TTC28: variants seen among roughly 807,000 people sequenced by gnomAD.
The protein encoded by TTC28 is tetratricopeptide repeat protein 28.
A neutral mutation model predicts 198.0 loss-of-function variants in TTC28; 61 were observed. That is an observed-to-expected ratio of 0.31 (90% CI 0.25 to 0.38). TTC28 has a LOEUF of 0.38. Ranked by LOEUF, TTC28 falls within the 10% of genes least tolerant of loss-of-function variation. The probability of loss-of-function intolerance (pLI) is 1.00; values close to 1 mark genes in which losing one functional copy is unlikely to be tolerated. For synonymous variants in TTC28, 1,171 were observed against 1,297.8 expected (o/e 0.90, Z 2.10); for missense variants, 2,678 against 3,164.0 (o/e 0.85, Z 3.69).
At chr22:28,377,916 C>T (rs1222716042) in intron 2 of TTC28, among the ~76,000 whole-genome samples, 1 of 151,858 alleles carries the variant, frequency 6.6e-6, no homozygotes, top group African/African-American at 2.4e-5. Flanking sequence ...GATATTGTCT[C>T]CTAAAACAGT....
At chr22:28,437,142 G>A (rs559152143) in intron 2 of TTC28, among the ~76,000 whole-genome samples, 1 of 152,162 alleles carries the variant, frequency 6.6e-6, no homozygotes, top group South Asian at 2.1e-4. Context: ...GAGTGCAGTG[G>A]CATGACCTCA....
At chr22:28,139,894 T>C (rs961342630) in intron 6 of TTC28, among the ~76,000 whole-genome samples, 6 of 152,174 alleles carry the variant, frequency 3.9e-5, no homozygotes, top group Non-Finnish European at 1.5e-5. Context: ...ATAGGCTAAA[T>C]TCATACACAT....
intron 11 of TTC28, among the ~76,000 whole-genome samples, chr22:28,094,557 A>T (rs1223802021): frequency 6.6e-6 from 1 of 152,218 alleles, no homozygotes; most frequent in Non-Finnish European, 1.5e-5. Flanking sequence ...AGAAGCACCA[A>T]CTAGGGAAAG....
intron 6 of TTC28, among the ~76,000 whole-genome samples, chr22:28,131,000 A>C (rs1194228843): frequency 6.6e-6 from 1 of 152,196 alleles, no homozygotes; most frequent in Non-Finnish European, 1.5e-5. Flanking sequence ...CCCTTTTATC[A>C]AGCCCTTCTG....
chr22:28,051,454 G>A (rs56695231), intron 12 of TTC28, among the ~76,000 whole-genome samples: 6,281 of 152,216 alleles, frequency 0.041, 220 homozygotes, highest in East Asian at 0.14. Context: ...TTTTACCTCT[G>A]GGATAGAGCC....
At chr22:28,165,145 A>G (rs1921770032) in intron 5 of TTC28, among the ~76,000 whole-genome samples, 2 of 152,240 alleles carry the variant, frequency 1.3e-5, no homozygotes, top group South Asian at 4.1e-4. Context: ...ATAAAAAGAA[A>G]TGAACAAAGC....
At chr22:28,224,779 C>T (rs1488212887) in intron 5 of TTC28, among the ~76,000 whole-genome samples, 3 of 152,060 alleles carry the variant, frequency 2.0e-5, no homozygotes, top group African/African-American at 4.8e-5. Flanking sequence ...ACTTCTTGCC[C>T]CAGCATTCAT....
At chr22:28,609,174 C>T (rs534828780) in intron 2 of TTC28, among the ~76,000 whole-genome samples, 1 of 152,040 alleles carries the variant, frequency 6.6e-6, no homozygotes, top group South Asian at 2.1e-4. Context: ...TAAGGGAAAA[C>T]GTGAGCAATA....
At chr22:28,259,188 C>T (rs1321649407) in intron 5 of TTC28, among the ~76,000 whole-genome samples, 2 of 152,022 alleles carry the variant, frequency 1.3e-5, no homozygotes, top group Admixed American at 6.6e-5. Context: ...CGCTCATCCA[C>T]CTTTTTCTCT....
intron 5 of TTC28, among the ~76,000 whole-genome samples, chr22:28,233,446 T>C (rs1203831915): frequency 6.6e-6 from 1 of 152,188 alleles, no homozygotes; most frequent in Non-Finnish European, 1.5e-5. Context: ...TACACTCTTC[T>C]AGAATGTTGC....
chr22:28,388,520 T>C (rs1298196976), intron 2 of TTC28, among the ~76,000 whole-genome samples: 1 of 152,194 alleles, frequency 6.6e-6, no homozygotes, highest in Non-Finnish European at 1.5e-5. Context: ...TTTTATTTCC[T>C]TGAGCAGTGG....
At chr22:28,672,768 A>G (rs572038973) in intron 1 of TTC28, among the ~76,000 whole-genome samples, 1 of 152,362 alleles carries the variant, frequency 6.6e-6, no homozygotes, top group East Asian at 1.9e-4. Context: ...AGAGTAGAAC[A>G]GAAAAAGAGG....
Position 27,990,648 on chromosome 22 carries a change from G to A in TTC28, c.5577+141C>T, listed in dbSNP as rs913804089. ...CGGGCCGCCAGTCCAGCAGCAGTGC[G>A]CACCCGCGGGGGCGCCGCAGCCCGT... On this transcript the variant is annotated intron_variant, in intron 20 of 22. Coordinates refer to ENST00000397906, the MANE Select transcript of TTC28 (RefSeq NM_001145418.2). 1.5e-5 allele frequency: 11 copies of A among 713,160 alleles called. 1 individual carries two copies. Among genetic ancestry groups the A allele is most frequent in the Admixed American group, 1.2e-4 (4 of 34,540 alleles). The allele number at this position is 713,160 out of a possible 1,614,324, so 44.2% of individuals were successfully genotyped here.
intron 2 of TTC28, among the ~76,000 whole-genome samples, chr22:28,324,282 T>C (rs1311924888): frequency 1.3e-5 from 2 of 152,012 alleles, no homozygotes; most frequent in Non-Finnish European, 2.9e-5. Context: ...CAAAACCCTG[T>C]CTCTGCAAAA....
chr22:28,493,795 G>A (rs896331394), intron 2 of TTC28, among the ~76,000 whole-genome samples: 2 of 152,068 alleles, frequency 1.3e-5, no homozygotes, highest in African/African-American at 4.8e-5. Context: ...GAAATAGAAA[G>A]GACACCACAA....
chr22:28,629,923 A>G lies in TTC28; in HGVS notation c.103-93T>C, dbSNP rs960958027. Reference sequence around the variant, plus strand: ...TTGGATGTCTGTCCCCTCCAGTTGCACATTAAAATGTGATCCCCAGTATTG... The same window carrying G: ...TTGGATGTCTGTCCCCTCCAGTTGCGCATTAAAATGTGATCCCCAGTATTG... On this transcript the variant is annotated intron_variant, in intron 1 of 22. Transcript: ENST00000397906. 2.6e-6 allele frequency: 3 copies of G among 1,162,080 alleles called. No homozygotes were observed. In the African/African-American group the frequency reaches 4.7e-5, roughly 18 times the overall value. The allele number at this position is 1,162,080 out of a possible 1,614,324, so 72.0% of individuals were successfully genotyped here.
chr22:27,992,560 T>C (rs1020158871), intron 19 of TTC28, 27 bp downstream of exon 19: 4 of 1,549,810 alleles, frequency 2.6e-6, no homozygotes, highest in Non-Finnish European at 2.6e-6. Flanking sequence ...CCTCAGGCCC[T>C]GGCTCAGCCC....
intron 6 of TTC28, among the ~76,000 whole-genome samples, chr22:28,138,808 A>C (rs575056765): frequency 6.6e-6 from 1 of 152,316 alleles, no homozygotes; most frequent in East Asian, 1.9e-4. Flanking sequence ...AATGTGTAGG[A>C]AAGATCTGAG....
chr22:28,036,771 G>C (rs188144665), intron 12 of TTC28, among the ~76,000 whole-genome samples: 221 of 152,222 alleles, frequency 1.5e-3, no homozygotes, highest in South Asian at 0.012. Context: ...CAGACCGCTA[G>C]CAAGACTAAT....
Sources: gnomAD v4.1 joint callset for allele counts (sites outside exome capture counted in the v4.1 genomes callset) on GRCh38, gnomAD v4.1.1 for gene constraint, MANE v1.5 for transcripts, NCBI Gene and HGNC (gene_info 2026-07-23, HGNC 2026-07-21) for gene names.